The following TOP2B variants were observed in gnomAD, a reference collection of about 807,000 sequenced individuals.
TOP2B encodes DNA topoisomerase II beta, also known as DNA topoisomerase 2-beta.
Under a neutral mutation model 193.5 loss-of-function variants are expected in TOP2B, and 51 were observed. The ratio of observed to expected loss-of-function variants is 0.26; its 90% CI spans 0.21 to 0.33. The LOEUF is 0.33. Ranked by LOEUF, TOP2B falls within the 10% of genes least tolerant of loss-of-function variation. The pLI is 1.00. For missense variants in TOP2B, 1,378 were observed against 1,909.3 expected, an observed-to-expected ratio of 0.72 and a Z score of 5.19; for synonymous variants, 634 against 635.7, an observed-to-expected ratio of 1.00 and a Z score of 0.04.
intron 27 of TOP2B, among the ~76,000 whole-genome samples, chr3:25,614,515 C>A (rs1440807611): frequency 6.6e-6 from 1 of 151,908 alleles, no homozygotes; most frequent in East Asian, 1.9e-4. Flanking sequence ...ATTCTAAATT[C>A]TTTTAGGCAG....
At chr3:25,654,316 T>G in intron 1 of TOP2B, among the ~76,000 whole-genome samples, 1 of 151,974 alleles carries the variant, frequency 6.6e-6, no homozygotes, top group African/African-American at 2.4e-5. Flanking sequence ...AAGGAAATTA[T>G]GAAAACAATC....
At chr3:25,600,978 T>G (rs1702076834) in intron 34 of TOP2B, 122 bp downstream of exon 34, 1 of 965,562 alleles carries the variant, frequency 1.0e-6, no homozygotes, top group Non-Finnish European at 1.5e-6. Context: ...CACTGCTTAC[T>G]GAGGAGTAAA....
chr3:25,602,416 G>A (rs199552926), intron 33 of TOP2B, among the ~76,000 whole-genome samples: 30,729 of 110,702 alleles, frequency 0.28, 4,267 homozygotes, highest in East Asian at 0.32. Context: ...AAAAGAAAAA[G>A]AAAAAAAAAA....
rs764014557 is a variant in TOP2B, at chr3:25,599,539, A to G, written c.4616-10T>C. 6.2e-7 allele frequency: 1 copy of G among 1,606,276 alleles called. No individual in the cohort carries two copies. Among genetic ancestry groups the G allele is most frequent in the South Asian group, 1.1e-5 (1 of 89,396 alleles). ...GCCCCTCGGCCTTTACCTTAAAATG[A>G]TACAAAAGGTTTTTTCTTCCGTGGT... On this transcript the variant is annotated splice_polypyrimidine_tract_variant and intron_variant, in intron 34 of 35. Transcript: ENST00000264331.
intron 32 of TOP2B, among the ~76,000 whole-genome samples, chr3:25,605,082 A>G (rs1396772765): frequency 6.6e-6 from 1 of 152,192 alleles, no homozygotes; most frequent in Non-Finnish European, 1.5e-5. Context: ...ATAACACAGA[A>G]GTGCATAAAG....
chr3:25,630,113 A>G lies in TOP2B; in HGVS notation c.1605T>C (p.Val535=), dbSNP rs1702914168. Residue 535 remains valine (V), a synonymous_variant, in exon 13 of 36, where the codon GTT becomes GTC. Transcript: ENST00000264331. ...CGTAACTTTTCTTATATTGTAGACC[A>G]ACTATTTTAATAATATTATTTATTT... ...NAEINNIIKI[V]GLQYKKSYDD... is the part of the protein sequence containing the mutation. The G allele has an allele frequency of 6.3e-7, 1 of 1,588,514 alleles. No individual in the cohort carries two copies. Among genetic ancestry groups the G allele is most frequent in the Admixed American group, 1.7e-5 (1 of 57,650 alleles).
At chr3:25,625,543 T>TGTTTGTTC (rs924900701) in intron 18 of TOP2B, among the ~76,000 whole-genome samples, 10 of 152,056 alleles carry the variant, frequency 6.6e-5, no homozygotes, top group African/African-American at 2.4e-4. Flanking sequence ...TTTGTTTGTT[T>TGTTTGTTC]GTTTTTGCGA....
Position 25,645,418 on chromosome 3 carries a change from T to A in TOP2B, c.122A>T (p.Asn41Ile), listed in dbSNP as rs780918375. Residue 41 changes from asparagine (N) to isoleucine (I), a missense_variant, in exon 2 of 36, where the codon AAC becomes ATC. Physicochemically the swap from Asn to Ile is moderately radical, Grantham distance 149. This residue lies in a region of TOP2B where 83 missense variants were observed against 59.3 expected (regional missense o/e 1.40). Coordinates refer to ENST00000264331, the MANE Select transcript of TOP2B (RefSeq NM_001330700.2). ...AAKKEESETA[N>I]KNDSSKKLSV... ...CAACTTCTTTGAAGAATCATTTTTG[T>A]TGGCAGTTTCTGACTCTTCTTTTTT... The A allele has an allele frequency of 1.2e-6, 2 of 1,613,726 alleles. No individual in the cohort carries two copies. Among genetic ancestry groups the A allele is most frequent in the African/African-American group, 2.7e-5 (2 of 74,932 alleles).
At chr3:25,647,766 C>T (rs1703453498) in intron 1 of TOP2B, among the ~76,000 whole-genome samples, 1 of 152,152 alleles carries the variant, frequency 6.6e-6, no homozygotes, top group Non-Finnish European at 1.5e-5. Flanking sequence ...AAAGCTTGAA[C>T]CCACCAAATT....
intron 4 of TOP2B, among the ~76,000 whole-genome samples, chr3:25,639,500 G>C (rs187379670): frequency 2.6e-5 from 4 of 152,250 alleles, no homozygotes; most frequent in African/African-American, 9.6e-5. Flanking sequence ...GAGACACGGG[G>C]TTTCACCATG....
At chr3:25,637,113 G>T in intron 6 of TOP2B, 102 bp downstream of exon 6, 3 of 797,580 alleles carry the variant, frequency 3.8e-6, no homozygotes, top group Non-Finnish European at 6.0e-6. Flanking sequence ...AAAAAAAAAT[G>T]AAGTTATACA....
intron 3 of TOP2B, 88 bp from the exon 4 acceptor site, chr3:25,642,473 T>C (rs1012760011): frequency 1.2e-5 from 8 of 691,212 alleles, no homozygotes; most frequent in Non-Finnish European, 1.9e-5. Flanking sequence ...CTGCTTAATA[T>C]AAACATCTAC....
chr3:25,651,016 A>G (rs1200024680), intron 1 of TOP2B, among the ~76,000 whole-genome samples: 1 of 152,316 alleles, frequency 6.6e-6, no homozygotes, highest in Non-Finnish European at 1.5e-5. Flanking sequence ...CAGACACGTT[A>G]TAACAAGTTA....
chr3:25,637,340 T>C, intron 5 of TOP2B, 28 bp from the exon 6 acceptor site: 4 of 1,494,888 alleles, frequency 2.7e-6, no homozygotes, highest in Non-Finnish European at 3.6e-6. Flanking sequence ...TGTAAAAGGT[T>C]TAGTAAAAAT....
At position 25,609,653 on chromosome 3, in the gene TOP2B, T is replaced by C; in HGVS notation, c.3846A>G (p.Pro1282=). 1.3e-6 allele frequency: 2 copies of C among 1,560,390 alleles called. No homozygotes were observed. The highest frequency in any genetic ancestry group is 1.7e-6 in the Non-Finnish European group (2 of 1,156,228). Residue 1282 remains proline (P), a synonymous_variant, in exon 29 of 36, where the codon CCA becomes CCG. Transcript: ENST00000264331. ...VEFDEEFSGA[P]VEGAGEEALT... is the part of the protein sequence containing the mutation. ...ATGCCTCTTCTCCTGCACCTTCTAC[T>C]GGTGCTCCACTGAATTCTTCATCAA...
chr3:25,624,669 T>C lies in TOP2B; in HGVS notation c.2346+13A>G. 6.2e-7 allele frequency: 1 copy of C among 1,612,634 alleles called. No homozygotes were observed. The highest frequency in any genetic ancestry group is 8.5e-7 in the Non-Finnish European group (1 of 1,179,476). ...AATTACAGTTCTCAATTGATTCCAA[T>C]CTTAATGCTTACTTCTCCATGATGA... On this transcript the variant is annotated intron_variant, in intron 19 of 35. Coordinates refer to ENST00000264331, the MANE Select transcript of TOP2B (RefSeq NM_001330700.2).
chr3:25,632,813 A>G lies in TOP2B; in HGVS notation c.1027-19T>C, dbSNP rs963810725. The G allele has an allele frequency of 2.5e-6, 4 of 1,592,854 alleles. No homozygotes were observed. Among genetic ancestry groups the G allele is most frequent in the East Asian group, 2.2e-5 (1 of 44,700 alleles). On this transcript the variant is annotated intron_variant, in intron 8 of 35. Transcript: ENST00000264331. ...GTCCACCCTAAAGAAAAAAAAATAT[A>G]TGAAATCTGAAATCCTGTATTGTTA... is the stretch of plus-strand genomic sequence containing the variant.
rs117093092 is a variant in TOP2B at position 25,635,907 on chromosome 3, G to A, written c.852+29C>T. 191 of 1,574,294 alleles carry A rather than the reference G, an allele frequency of 1.2e-4. 2 individuals carry two copies. In the East Asian group the frequency reaches 3.8e-3, roughly 32 times the overall value. ...AATATTCTCTCTATAAAATAACATA[G>A]TATTAAAACTATTTTACAGGACACT... On this transcript the variant is annotated intron_variant, in intron 7 of 35. Transcript: ENST00000264331.
At chr3:25,659,809 TG>T (rs1173540946) in intron 1 of TOP2B, among the ~76,000 whole-genome samples, 4 of 152,236 alleles carry the variant, frequency 2.6e-5, no homozygotes, top group African/African-American at 9.6e-5. Flanking sequence ...TGAGTTGTTT[TG>T]TCTTTCAATG....
Sources: allele counts gnomAD v4.1 joint callset (sites outside exome capture counted in the v4.1 genomes callset), GRCh38; gene constraint gnomAD v4.1.1; regional missense constraint gnomAD v4.1.1; transcripts MANE v1.5; gene names NCBI Gene and HGNC (gene_info 2026-07-23, HGNC 2026-07-21).